The following TRIO variants were observed in gnomAD, a reference collection of about 807,000 sequenced individuals.
TRIO encodes triple functional domain protein.
A neutral mutation model predicts 351.9 loss-of-function variants in TRIO; 58 were observed. That is an observed-to-expected ratio of 0.16 (90% CI 0.13 to 0.21). The LOEUF is 0.21. Among genes scored for constraint, TRIO ranks in the 10% least tolerant of loss-of-function variants. TRIO has a pLI of 1.00. For synonymous variants in TRIO, 1,758 were observed against 1,595.7 expected, an observed-to-expected ratio of 1.10 and a Z score of -2.42; for missense variants, 3,201 against 4,027.8, an observed-to-expected ratio of 0.79 and a Z score of 5.56.
At chr5:14,353,103 G>A (rs989922341) in intron 11 of TRIO, among the ~76,000 whole-genome samples, 6 of 151,966 alleles carry the variant, frequency 3.9e-5, no homozygotes, top group Non-Finnish European at 7.4e-5. Flanking sequence ...TTGAACAATT[G>A]GTAGGAACCC....
chr5:14,439,803 G>A (rs972645461), intron 34 of TRIO, among the ~76,000 whole-genome samples: 2 of 152,146 alleles, frequency 1.3e-5, no homozygotes, highest in South Asian at 2.1e-4. Context: ...GAAGCCTAAC[G>A]TGGGCCCATA....
intron 11 of TRIO, among the ~76,000 whole-genome samples, chr5:14,351,049 G>A (rs995155680): frequency 6.6e-6 from 1 of 152,184 alleles, no homozygotes; most frequent in African/African-American, 2.4e-5. Flanking sequence ...CTGAACTCAG[G>A]TGTTAATGAC....
At chr5:14,492,464 C>G in intron 48 of TRIO, 103 bp from the exon 49 acceptor site, 1 of 1,514,206 alleles carries the variant, frequency 6.6e-7, no homozygotes, top group Admixed American at 1.9e-5. Flanking sequence ...GAGCCCTGCA[C>G]GGGGTCATGG....
intron 1 of TRIO, among the ~76,000 whole-genome samples, chr5:14,164,767 C>T (rs1006642368): frequency 2.6e-5 from 4 of 152,194 alleles, no homozygotes; most frequent in Non-Finnish European, 4.4e-5. Flanking sequence ...GCAGTATTGC[C>T]TTGTCAGTTA....
chr5:14,209,183 T>A (rs17241192), intron 1 of TRIO, among the ~76,000 whole-genome samples: 4,614 of 152,352 alleles, frequency 0.03, 205 homozygotes, highest in Admixed American at 0.13. Context: ...CCCATTCTCA[T>A]GTTATGACCA....
chr5:14,217,346 C>T (rs951012542), intron 1 of TRIO, among the ~76,000 whole-genome samples: 1 of 152,176 alleles, frequency 6.6e-6, no homozygotes, highest in African/African-American at 2.4e-5. Context: ...TATCCCTACA[C>T]CTGCAGCTTC....
chr5:14,476,812 G>T, intron 40 of TRIO, 82 bp from the exon 41 acceptor site: 11 of 981,396 alleles, frequency 1.1e-5, no homozygotes, highest in Admixed American at 7.7e-5. Context: ...AAGAAAAAAA[G>T]AAAAAGAAAA....
chr5:14,465,424 G>T, intron 36 of TRIO, 121 bp from the exon 37 acceptor site: 1 of 864,730 alleles, frequency 1.2e-6, no homozygotes, highest in South Asian at 1.5e-5. Flanking sequence ...AGACAAACTT[G>T]TGGTCTTTTT....
chr5:14,225,797 C>CCG (rs1554036811), intron 1 of TRIO, among the ~76,000 whole-genome samples: 1 of 132,768 alleles, frequency 7.5e-6, no homozygotes, highest in African/African-American at 3.3e-5. Context: ...CTCCCACCCC[C>CCG]CCCCCCACCT....
intron 1 of TRIO, among the ~76,000 whole-genome samples, chr5:14,177,340 ATCT>A (rs1183063198): frequency 1.3e-5 from 2 of 151,750 alleles, no homozygotes; most frequent in South Asian, 2.1e-4. Flanking sequence ...TGTTATGAAA[ATCT>A]TCTTATGGGG....
At chr5:14,501,935 A>G (rs947918211) in intron 53 of TRIO, among the ~76,000 whole-genome samples, 2 of 152,210 alleles carry the variant, frequency 1.3e-5, no homozygotes, top group Non-Finnish European at 2.9e-5. Context: ...GCTTCTTTTC[A>G]CAGGAAGACT....
At chr5:14,347,076 T>C (rs1742490530) in intron 11 of TRIO, among the ~76,000 whole-genome samples, 3 of 148,424 alleles carry the variant, frequency 2.0e-5, no homozygotes, top group Admixed American at 1.3e-4. Flanking sequence ...GCTGGACCAG[T>C]CATCTCAGGC....
intron 1 of TRIO, among the ~76,000 whole-genome samples, chr5:14,183,114 G>C (rs1295803782): frequency 6.6e-6 from 1 of 152,158 alleles, no homozygotes; most frequent in African/African-American, 2.4e-5. Context: ...GGTTCAGAAG[G>C]ATGCCTGTTC....
intron 11 of TRIO, among the ~76,000 whole-genome samples, chr5:14,357,939 G>C (rs1472126410): frequency 6.6e-6 from 1 of 152,144 alleles, no homozygotes; most frequent in Non-Finnish European, 1.5e-5. Flanking sequence ...CCGTTCGCCT[G>C]TTTATTTTCC....
chr5:14,469,453 A>G (rs1375324965), intron 37 of TRIO, among the ~76,000 whole-genome samples: 1 of 152,260 alleles, frequency 6.6e-6, no homozygotes. Context: ...ATCAAAATTA[A>G]TCTCATAAGA....
intron 8 of TRIO, among the ~76,000 whole-genome samples, chr5:14,312,905 G>A (rs974414546): frequency 2.6e-5 from 4 of 152,100 alleles, no homozygotes; most frequent in African/African-American, 9.7e-5. Context: ...GTAGCATGTT[G>A]TTTCCACATA....
intron 34 of TRIO, among the ~76,000 whole-genome samples, chr5:14,453,075 T>C (rs932633095): frequency 6.6e-6 from 1 of 152,144 alleles, no homozygotes; most frequent in Non-Finnish European, 1.5e-5. Flanking sequence ...ACCTTTTTTT[T>C]CTTTTTTTAT....
At chr5:14,144,938 A>AT (rs5866089) in intron 1 of TRIO, among the ~76,000 whole-genome samples, 2 of 151,826 alleles carry the variant, frequency 1.3e-5, no homozygotes, top group African/African-American at 2.4e-5. Flanking sequence ...CGGGGCCGGC[A>AT]CCCAGAGCGC....
Position 14,455,083 on chromosome 5 carries a change from T to C in TRIO, c.5204-5936T>C, listed in dbSNP as rs779043413. ...CTGCAGACCTTCGCGGTGAGTGTTA[T>C]AGCTCATAAAGGCAGTGCGGACCCA... On this transcript the variant is annotated intron_variant, in intron 34 of 56. Coordinates refer to ENST00000344204, the MANE Select transcript of TRIO (RefSeq NM_007118.4). Among the ~76,000 whole-genome samples, 127 of 152,150 alleles carry C rather than the reference T, an allele frequency of 8.3e-4. 1 individual carries two copies. The highest frequency in any genetic ancestry group is 4.0e-4 in the Non-Finnish European group (27 of 68,030).
Sources: gnomAD v4.1 joint callset for allele counts (sites outside exome capture counted in the v4.1 genomes callset) on GRCh38, gnomAD v4.1.1 for gene constraint, MANE v1.5 for transcripts, NCBI Gene and HGNC (gene_info 2026-07-23, HGNC 2026-07-21) for gene names.